The following ZNF248 variants were observed in gnomAD, a reference collection of about 807,000 sequenced individuals.
The protein encoded by ZNF248 is zinc finger protein 248.
Under a neutral mutation model 44.3 loss-of-function variants are expected in ZNF248, and 20 were observed. The observed-to-expected ratio is 0.45, with a 90% CI of 0.32 to 0.66. The LOEUF is 0.66. ZNF248 is among the 30% of genes least tolerant of loss of function. The pLI is 0.04. For synonymous variants in ZNF248, 224 were observed against 229.0 expected, an observed-to-expected ratio of 0.98 and a Z score of 0.20; for missense variants, 654 against 677.0, an observed-to-expected ratio of 0.97 and a Z score of 0.38.
chr10:37,785,547 C>T (rs906408025), intron 6 of ZNF248, among the ~76,000 whole-genome samples: 2 of 152,214 alleles, frequency 1.3e-5, no homozygotes, highest in African/African-American at 4.8e-5. Flanking sequence ...ACTACCTCTA[C>T]TTCAATTCAT....
chr10:37,788,262 T>TG (rs2048113860), intron 6 of ZNF248, among the ~76,000 whole-genome samples: 2 of 110,330 alleles, frequency 1.8e-5, no homozygotes, highest in Non-Finnish European at 1.8e-5. Context: ...GACTCCATCT[T>TG]AAAAAAAAAA....
At chr10:37,820,213 C>T (rs971852937) in intron 6 of ZNF248, 13 of 1,308,810 alleles carry the variant, frequency 9.9e-6, no homozygotes, top group South Asian at 5.9e-5. Context: ...ATTGTGAGGT[C>T]GGACTGGGTC....
At chr10:37,822,864 GGTTAGACAA>G (rs1227004054) in intron 6 of ZNF248, among the ~76,000 whole-genome samples, 11 of 152,152 alleles carry the variant, frequency 7.2e-5, no homozygotes, top group African/African-American at 2.7e-4. Flanking sequence ...ATGGGCCACA[GGTTAGACAA>G]GCCTGATCAA....
intron 6 of ZNF248, among the ~76,000 whole-genome samples, chr10:37,823,362 A>G (rs1260753802): frequency 7.3e-6 from 1 of 137,224 alleles, no homozygotes; most frequent in African/African-American, 2.7e-5. Flanking sequence ...AAAAAAAAAA[A>G]GCAAATAACA....
At chr10:37,809,320 G>A (rs1221280842) in intron 6 of ZNF248, among the ~76,000 whole-genome samples, 1 of 151,908 alleles carries the variant, frequency 6.6e-6, no homozygotes, top group African/African-American at 2.4e-5. Context: ...TTCTGTCACT[G>A]AGACTGGAGT....
In ZNF248 at chr10:37,833,032, T is replaced by C. The variant is rs1178174283; in HGVS notation, c.323A>G (p.Asn108Ser). ...DHFWELLFHNNKTVSVENGDR... is the reference protein window; with the variant it reads ...DHFWELLFHNSKTVSVENGDR... Reference sequence around the variant, plus strand: ...TCCATTTTCTACACTTACTGTTTTGTTGTTGTGGAATAGAAGCTCCCAAAA... The same window carrying C: ...TCCATTTTCTACACTTACTGTTTTGCTGTTGTGGAATAGAAGCTCCCAAAA... The change falls in exon 6 of 6, where the codon AAC (asparagine) becomes AGC (serine). Residue 108 changes from asparagine (N) to serine (S), a missense_variant. Transcript: ENST00000395867. The C allele has an allele frequency of 1.2e-6, 2 of 1,613,690 alleles. No individual in the cohort carries two copies. Among genetic ancestry groups the C allele is most frequent in the African/African-American group, 1.3e-5 (1 of 75,036 alleles).
chr10:37,815,616 C>T (rs2052319937), intron 6 of ZNF248, among the ~76,000 whole-genome samples: 1 of 151,980 alleles, frequency 6.6e-6, no homozygotes, highest in Non-Finnish European at 1.5e-5. Flanking sequence ...AGCCCACAAT[C>T]TGGTCTTTTT....
chr10:37,837,871 A>G, intron 4 of ZNF248, 114 bp downstream of exon 4: 4 of 1,452,800 alleles, frequency 2.8e-6, no homozygotes, highest in Non-Finnish European at 3.7e-6. Context: ...ATGGTGGCCA[A>G]ATGGGATCAG....
At chr10:37,792,436 T>C (rs989191881) in intron 6 of ZNF248, among the ~76,000 whole-genome samples, 1 of 152,158 alleles carries the variant, frequency 6.6e-6, no homozygotes, top group African/African-American at 2.4e-5. Context: ...AGAAATAATA[T>C]ATGTATTTAT....
At chr10:37,836,495 G>C (rs1393285412) in intron 5 of ZNF248, among the ~76,000 whole-genome samples, 1 of 152,126 alleles carries the variant, frequency 6.6e-6, no homozygotes, top group Non-Finnish European at 1.5e-5. Context: ...GAACACACCT[G>C]TCTAAGAGGT....
intron 6 of ZNF248, among the ~76,000 whole-genome samples, chr10:37,811,992 T>C (rs2133409291): frequency 6.6e-6 from 1 of 151,998 alleles, no homozygotes; most frequent in African/African-American, 2.4e-5. Context: ...TCCCAGCACT[T>C]TGGGAAGTCA....
rs182079709 is a variant in ZNF248, at chr10:37,784,883, T to G, written c.331-8308A>C. Among the ~76,000 whole-genome samples, 1,334 of 152,250 alleles carry G rather than the reference T, an allele frequency of 8.8e-3. 7 individuals carry two copies. Among genetic ancestry groups the G allele is most frequent in the Non-Finnish European group, 0.015 (994 of 68,016 alleles). ...AACAAAACAAACAAACAAAAACACC[T>G]ATGTCAGCATTTTGGTGTTTGGTAC... On this transcript the variant is annotated intron_variant, in intron 6 of 6. Transcript: ENST00000615949.
At chr10:37,848,541 C>T (rs1177038497) in intron 3 of ZNF248, among the ~76,000 whole-genome samples, 1 of 151,466 alleles carries the variant, frequency 6.6e-6, no homozygotes, top group Non-Finnish European at 1.5e-5. Context: ...CAAGATCACA[C>T]CACTGCACTC....
chr10:37,764,024 A>G, the ZNF248 span, among the ~76,000 whole-genome samples: 1 of 152,220 alleles, frequency 6.6e-6, no homozygotes, highest in African/African-American at 2.4e-5. Flanking sequence ...ACAGAACAGG[A>G]TAACAGTGAT....
At chr10:37,845,112 G>A (rs2059103897) in intron 3 of ZNF248, among the ~76,000 whole-genome samples, 1 of 151,490 alleles carries the variant, frequency 6.6e-6, no homozygotes, top group Admixed American at 6.6e-5. Flanking sequence ...GCCTCCCAGA[G>A]GCTGGCTCAA....
chr10:37,766,956 C>A, the ZNF248 span, among the ~76,000 whole-genome samples: 1 of 152,084 alleles, frequency 6.6e-6, no homozygotes, highest in Non-Finnish European at 1.5e-5. Flanking sequence ...AAAGCCAAGG[C>A]TCGAGAACTA....
intron 3 of ZNF248, among the ~76,000 whole-genome samples, chr10:37,855,680 T>G (rs1388916716): frequency 2.6e-5 from 4 of 152,248 alleles, no homozygotes; most frequent in Non-Finnish European, 5.9e-5. Context: ...AGGCAAGTAA[T>G]GCAAAGGCAA....
intron 6 of ZNF248, among the ~76,000 whole-genome samples, chr10:37,809,779 C>T (rs2051200611): frequency 6.6e-6 from 1 of 151,742 alleles, no homozygotes; most frequent in African/African-American, 2.4e-5. Context: ...TGATTTTTTT[C>T]TTTTACTTAT....
At position 37,828,822 on chromosome 10, in the gene ZNF248, A is replaced by G. The variant is rs1200743351; in HGVS notation, c.*2793T>C. 1.0e-6 allele frequency: 1 copy of G among 985,246 alleles called. No individual in the cohort carries two copies. The highest frequency in any genetic ancestry group is 1.7e-5 in the African/African-American group (1 of 57,238). The allele number at this position is 985,246 out of a possible 1,614,324, so 61.0% of individuals were successfully genotyped here. ...CAGAGCTGCTTACCTTACACCACAT[A>G]CAATAAGAAACACCACAGGGAGGTA... On this transcript the variant is annotated 3_prime_UTR_variant, in exon 6 of 6. Coordinates refer to ENST00000395867, the MANE Select transcript of ZNF248 (RefSeq NM_021045.3).
Sources: gnomAD v4.1 joint callset for allele counts (sites outside exome capture counted in the v4.1 genomes callset) on GRCh38, gnomAD v4.1.1 for gene constraint, MANE v1.5 for transcripts, NCBI Gene and HGNC (gene_info 2026-07-23, HGNC 2026-07-21) for gene names.